CNTN3: variants seen among roughly 807,000 people sequenced by gnomAD.
The protein encoded by CNTN3 is contactin 3.
In CNTN3, 60 loss-of-function variants were observed where a neutral mutation model predicts 119.1. The observed-to-expected ratio is 0.50, with a 90% CI of 0.41 to 0.62. The LOEUF (loss-of-function observed/expected upper bound fraction) is 0.62, where lower values mean the gene tolerates loss of function less well. Among genes scored for constraint, CNTN3 ranks in the 20% least tolerant of loss-of-function variants. The pLI is 0.00. For missense variants in CNTN3, 1,101 were observed against 1,242.4 expected, an observed-to-expected ratio of 0.89 and a Z score of 1.71; for synonymous variants, 450 against 438.7, an observed-to-expected ratio of 1.03 and a Z score of -0.32.
intron 4 of CNTN3, among the ~76,000 whole-genome samples, chr3:74,441,697 T>A (rs1309288374): frequency 2.0e-5 from 3 of 152,182 alleles, no homozygotes; most frequent in African/African-American, 7.2e-5. Context: ...ATATGTCTGT[T>A]GGAATAAATG....
intron 4 of CNTN3, among the ~76,000 whole-genome samples, chr3:74,455,517 G>T (rs140226695): frequency 1.3e-5 from 2 of 152,168 alleles, no homozygotes; most frequent in South Asian, 4.1e-4. Context: ...GTCATTCTCC[G>T]TCCAGCTTTG....
At chr3:74,372,702 G>C (rs958938313) in intron 5 of CNTN3, among the ~76,000 whole-genome samples, 3 of 152,022 alleles carry the variant, frequency 2.0e-5, no homozygotes, top group African/African-American at 7.2e-5. Context: ...TTTTGGTAAA[G>C]GGAACAGTAA....
chr3:74,424,809 A>C, intron 5 of CNTN3, 36 bp downstream of exon 5: 1 of 1,566,806 alleles, frequency 6.4e-7, no homozygotes, highest in Non-Finnish European at 8.8e-7. Flanking sequence ...CCTGAACCTT[A>C]ATAAATATGA....
At chr3:74,459,443 C>T (rs915374104) in intron 4 of CNTN3, among the ~76,000 whole-genome samples, 16 of 152,150 alleles carry the variant, frequency 1.1e-4, no homozygotes, top group African/African-American at 3.9e-4. Context: ...CTCCTACTGA[C>T]CTGCTTAATT....
chr3:74,301,725 C>G lies in CNTN3; in HGVS notation c.1867G>C (p.Asp623His). 6.2e-7 allele frequency: 1 copy of G among 1,614,090 alleles called. No homozygotes were observed. Among genetic ancestry groups the G allele is most frequent in the Non-Finnish European group, 8.5e-7 (1 of 1,179,974 alleles). ...TAQLSWKEGKDNHSPVISYSI... is the reference protein window; with the variant it reads ...TAQLSWKEGKHNHSPVISYSI... ...TAGGATATAACTGGGCTATGGTTGT[C>G]TTTACCTTCTTTCCAAGAGAGTTGG... is the stretch of plus-strand genomic sequence containing the variant. Residue 623 changes from aspartate to histidine, a missense_variant, in exon 15 of 23, where the codon GAC becomes CAC. Asp to His is a moderately conservative substitution (Grantham distance 81, BLOSUM62 -1). Coordinates refer to ENST00000263665, the MANE Select transcript of CNTN3 (RefSeq NM_020872.3).
chr3:74,454,211 T>C (rs1702217887), intron 4 of CNTN3, among the ~76,000 whole-genome samples: 1 of 131,118 alleles, frequency 7.6e-6, no homozygotes, highest in African/African-American at 2.9e-5. Flanking sequence ...TGGGTGCATA[T>C]ATATTTAGGA....
At chr3:74,386,016 G>T (rs1704737313) in intron 5 of CNTN3, among the ~76,000 whole-genome samples, 1 of 152,120 alleles carries the variant, frequency 6.6e-6, no homozygotes. Flanking sequence ...AGTATAGGAG[G>T]AAAGTACTAT....
At chr3:74,304,420 T>G (rs573369839) in intron 13 of CNTN3, among the ~76,000 whole-genome samples, 18 of 152,216 alleles carry the variant, frequency 1.2e-4, no homozygotes, top group Non-Finnish European at 2.2e-4. Context: ...AGGAGGTTGA[T>G]TATCACTTCT....
intron 11 of CNTN3, among the ~76,000 whole-genome samples, chr3:74,358,755 C>T (rs1407595227): frequency 9.8e-6 from 1 of 102,118 alleles, no homozygotes; most frequent in Non-Finnish European, 1.9e-5. Context: ...TGCTATCCCT[C>T]CCCCCTCCCC....
At chr3:74,449,822 A>T (rs940674544) in intron 4 of CNTN3, among the ~76,000 whole-genome samples, 31 of 152,164 alleles carry the variant, frequency 2.0e-4, no homozygotes, top group African/African-American at 6.8e-4. Flanking sequence ...TAATTCAAAA[A>T]TATCTACACA....
At position 74,499,753 on chromosome 3, in the gene CNTN3, T is replaced by C; in HGVS notation, c.88A>G (p.Lys30Glu). The C allele has an allele frequency of 6.2e-7, 1 of 1,611,310 alleles. No individual in the cohort carries two copies. The highest frequency in any genetic ancestry group is 1.3e-5 in the African/African-American group (1 of 74,838). Residue 30 changes from lysine to glutamate, a missense_variant, in exon 3 of 23, where the codon AAA becomes GAA. Coordinates refer to ENST00000263665, the MANE Select transcript of CNTN3 (RefSeq NM_020872.3). ...GGGAAAATGCTGTTGCTGGGTTCTT[T>C]GATAAATACAGGGCCTTGTAAGAGA... is the stretch of plus-strand genomic sequence containing the variant. Reference protein sequence around the residue: ...ELLLQGPVFIKEPSNSIFPVG... With the variant: ...ELLLQGPVFIEEPSNSIFPVG...
intron 1 of CNTN3, among the ~76,000 whole-genome samples, chr3:74,524,809 T>C (rs1403087345): frequency 1.3e-5 from 2 of 151,838 alleles, no homozygotes; most frequent in Non-Finnish European, 2.9e-5. Flanking sequence ...GCCCTACTGC[T>C]GGTTAAATAT....
At chr3:74,565,243 C>CCACT (rs1314610451) in intron 1 of CNTN3, among the ~76,000 whole-genome samples, 1 of 152,170 alleles carries the variant, frequency 6.6e-6, no homozygotes, top group Admixed American at 6.5e-5. Context: ...GTCAGTAGAG[C>CCACT]CACTCTTCTC....
At chr3:74,540,807 G>A (rs973121297) in intron 1 of CNTN3, among the ~76,000 whole-genome samples, 1 of 152,064 alleles carries the variant, frequency 6.6e-6, no homozygotes, top group African/African-American at 2.4e-5. Context: ...AAAGCCAAGT[G>A]TTCCTATTTA....
chr3:74,274,527 G>T (rs1701843819), intron 20 of CNTN3, among the ~76,000 whole-genome samples: 7 of 152,120 alleles, frequency 4.6e-5, no homozygotes. Flanking sequence ...TAGACATGCT[G>T]GGTGACTAGA....
At chr3:74,473,079 A>T (rs1702593974) in intron 4 of CNTN3, among the ~76,000 whole-genome samples, 1 of 151,500 alleles carries the variant, frequency 6.6e-6, no homozygotes, top group African/African-American at 2.4e-5. Flanking sequence ...AAATTAAAAA[A>T]ATATAATCTA....
At chr3:74,505,450 G>A (rs2107090616) in intron 2 of CNTN3, among the ~76,000 whole-genome samples, 1 of 422 alleles carries the variant, frequency 2.4e-3, no homozygotes, top group African/African-American at 3.0e-3. Context: ...CACTATACGT[G>A]TGTGTGTGTG....
At chr3:74,538,035 T>C (rs1300296431) in intron 1 of CNTN3, among the ~76,000 whole-genome samples, 1 of 152,020 alleles carries the variant, frequency 6.6e-6, no homozygotes, top group African/African-American at 2.4e-5. Flanking sequence ...TCTTAATTCA[T>C]AAGCTCTGCA....
chr3:74,585,877 T>G (rs112268674), intron 1 of CNTN3, among the ~76,000 whole-genome samples: 36 of 152,272 alleles, frequency 2.4e-4, no homozygotes, highest in African/African-American at 8.4e-4. Flanking sequence ...ACTGTCAAAA[T>G]GAGCTACAGA....
Sources: allele counts gnomAD v4.1 joint callset (sites outside exome capture counted in the v4.1 genomes callset), GRCh38; gene constraint gnomAD v4.1.1; transcripts MANE v1.5; gene names NCBI Gene and HGNC (gene_info 2026-07-23, HGNC 2026-07-21).